Variants in HERC1 observed in about 807,000 individuals in gnomAD.
HERC1 encodes probable E3 ubiquitin-protein ligase HERC1.
A neutral mutation model predicts 554.3 loss-of-function variants in HERC1; 160 were observed. That is an observed-to-expected ratio of 0.29 (90% confidence interval 0.25 to 0.33). HERC1 has a LOEUF of 0.33. Among genes scored for constraint, HERC1 ranks in the 10% least tolerant of loss-of-function variants. The probability of loss-of-function intolerance (pLI) is 1.00; values close to 1 mark genes in which losing one functional copy is unlikely to be tolerated. For synonymous variants in HERC1, 2,175 were observed against 2,131.7 expected (o/e 1.02, Z -0.56); for missense variants, 4,919 against 5,918.5 (o/e 0.83, Z 5.54).
At chr15:63,660,499 T>G (rs1468847003) in intron 46 of HERC1, among the ~76,000 whole-genome samples, 1 of 152,156 alleles carries the variant, frequency 6.6e-6, no homozygotes, top group African/African-American at 2.4e-5. Context: ...TTAAATAAGT[T>G]GACAGCAATA....
chr15:63,792,458 C>T (rs4984317), intron 1 of HERC1, among the ~76,000 whole-genome samples: 123,566 of 152,210 alleles, frequency 0.81, 52,019 homozygotes, highest in Non-Finnish European at 0.87. Context: ...TTTCCAGATA[C>T]AACCCTATCA....
At chr15:63,774,305 C>A (rs1312233663) in intron 2 of HERC1, among the ~76,000 whole-genome samples, 1 of 152,124 alleles carries the variant, frequency 6.6e-6, no homozygotes, top group South Asian at 2.1e-4. Flanking sequence ...TAGAATAGTA[C>A]TTGGCATATA....
At chr15:63,743,263 C>CTTTTTTTTTTTTTTTTT (rs71131177) in intron 12 of HERC1, among the ~76,000 whole-genome samples, 9 of 109,176 alleles carry the variant, frequency 8.2e-5, no homozygotes, top group Non-Finnish European at 1.1e-4. Context: ...TTTTCTTTTT[C>CTTTTTTTTTTTTTTTTT]TTTTTTTTTT....
chr15:63,616,416 T>G lies in HERC1; in HGVS notation c.13941+14A>C. ...CGTCAACACCAGTAGAAACATAGAC[T>G]GGCCAGGATTTACCTCATGGAAACT... On this transcript the variant is annotated intron_variant, in intron 75 of 77. Transcript: ENST00000443617. 6.2e-7 allele frequency: 1 copy of G among 1,608,076 alleles called. No homozygotes were observed. The highest frequency in any genetic ancestry group is 1.1e-5 in the South Asian group (1 of 90,928).
At chr15:63,713,747 G>T in intron 22 of HERC1, 82 bp from the exon 23 acceptor site, 1 of 1,296,236 alleles carries the variant, frequency 7.7e-7, no homozygotes, top group Non-Finnish European at 1.0e-6. Flanking sequence ...TAGTCAAAAA[G>T]TTTGGACCAA....
chr15:63,764,277 C>T, intron 2 of HERC1, 86 bp from the exon 3 acceptor site: 3 of 859,052 alleles, frequency 3.5e-6, no homozygotes. Flanking sequence ...AAAAACAACA[C>T]CTATTTGAAG....
chr15:63,770,448 T>C (rs776608169), intron 2 of HERC1, among the ~76,000 whole-genome samples: 1 of 152,228 alleles, frequency 6.6e-6, no homozygotes, highest in African/African-American at 2.4e-5. Context: ...CCAAAGCTTA[T>C]TCATCTTTTT....
intron 1 of HERC1, among the ~76,000 whole-genome samples, chr15:63,807,855 A>C (rs2077181697): frequency 1.3e-5 from 2 of 151,448 alleles, no homozygotes; most frequent in African/African-American, 4.8e-5. Context: ...TATACTTCCT[A>C]CAGTTACTAA....
chr15:63,766,671 G>T (rs908968185), intron 2 of HERC1, among the ~76,000 whole-genome samples: 11 of 152,270 alleles, frequency 7.2e-5, no homozygotes, highest in East Asian at 3.9e-4. Context: ...AAGGTTAGGG[G>T]TTTTTTTGTT....
rs531482851 is a variant in HERC1, at chr15:63,725,369, G to A, written c.3491C>T (p.Pro1164Leu). 6.2e-7 allele frequency: 1 copy of A among 1,613,894 alleles called. No homozygotes were observed. The highest frequency in any genetic ancestry group is 1.3e-5 in the African/African-American group (1 of 75,004). The change falls in exon 18 of 78, where the codon CCA (proline) becomes CTA (leucine). Residue 1164 changes from proline (P) to leucine (L), a missense_variant. This residue lies in a region of HERC1 where 1,121 missense variants were observed against 1,244.0 expected (regional missense o/e 0.90). Coordinates refer to ENST00000443617, the MANE Select transcript of HERC1 (RefSeq NM_003922.4). Reference protein sequence around the residue: ...GGMLQGSPVSPEEQDTAYWMK... With the variant: ...GGMLQGSPVSLEEQDTAYWMK... ...CCAATATGCAGTGTCCTGTTCCTCTGGAGACACAGGGGAGCCCTGAAGCAT... is the reference window on the plus strand; with the variant it reads ...CCAATATGCAGTGTCCTGTTCCTCTAGAGACACAGGGGAGCCCTGAAGCAT...
At chr15:63,639,488 G>A (rs1459692640) in intron 61 of HERC1, among the ~76,000 whole-genome samples, 1 of 152,128 alleles carries the variant, frequency 6.6e-6, no homozygotes, top group Non-Finnish European at 1.5e-5. Flanking sequence ...GCCTAACAAT[G>A]CATTTCTCAG....
Position 63,718,325 on chromosome 15 carries a change from C to T in HERC1, c.3978+249G>A, listed in dbSNP as rs2073661243. ...GAATAATCATTCATATGATTTGAAT[C>T]ATTCAATTTGTTATTAATATTTATG... is the stretch of plus-strand genomic sequence containing the variant. On this transcript the variant is annotated intron_variant, in intron 21 of 77. Transcript: ENST00000443617. This position sits in a 1 kb window ranked among gnomAD's most constrained non-coding sequence, Gnocchi z 4.2. The T allele has an allele frequency of 2.7e-6, 1 of 375,344 alleles. No homozygotes were observed. The highest frequency in any genetic ancestry group is 4.8e-6 in the Non-Finnish European group (1 of 207,804). 23.3% of individuals were successfully genotyped at this position (375,344 alleles called of 1,614,324 possible).
chr15:63,725,584 T>C (rs2074007570), intron 17 of HERC1, 71 bp from the exon 18 acceptor site: 1 of 1,243,716 alleles, frequency 8.0e-7, no homozygotes, highest in Non-Finnish European at 1.2e-6. Flanking sequence ...TCTCATAGTC[T>C]CCTACCGTAC....
At chr15:63,798,867 GGTTGC>G (rs2076892359) in intron 1 of HERC1, among the ~76,000 whole-genome samples, 1 of 152,138 alleles carries the variant, frequency 6.6e-6, no homozygotes, top group Admixed American at 6.5e-5. Flanking sequence ...AGCATTTAGT[GGTTGC>G]ATACTATTTC....
Position 63,677,696 on chromosome 15 carries a change from T to C in HERC1, c.7070+149A>G, listed in dbSNP as rs1054066382. On this transcript the variant is annotated intron_variant, in intron 37 of 77. Transcript: ENST00000443617. The surrounding 1 kb of genome is among the most constrained non-coding windows in gnomAD (Gnocchi z 4.4). ...TTTAGGAAATTCTCCTTTAAGAAAT[T>C]ACAGTAGAAACATCTAGCTGCATGA... 2 of 1,332,642 alleles carry C rather than the reference T, an allele frequency of 1.5e-6. No homozygotes were observed. The highest frequency in any genetic ancestry group is 2.0e-6 in the Non-Finnish European group (2 of 993,688). The allele number at this position is 1,332,642 out of a possible 1,614,324, so 82.6% of individuals were successfully genotyped here. A position where few individuals can be genotyped will look rare whatever the true frequency, so the allele number is the denominator to read the frequency against.
Position 63,634,462 on chromosome 15 carries a change from T to C in HERC1, c.12570+271A>G, listed in dbSNP as rs565605249. Among the ~76,000 whole-genome samples the C allele has an allele frequency of 2.0e-5, 3 of 152,228 alleles. No individual in the cohort carries two copies. In the East Asian group the frequency reaches 5.8e-4, roughly 29 times the overall value. The stretch of plus-strand genomic sequence containing the variant: ...TATTTTTTAAGGGTTTAATAGCAAG[T>C]GGTATTAGTATGTTATGGAGGGGGC... On this transcript the variant is annotated intron_variant, in intron 66 of 77. Transcript: ENST00000443617.
Position 63,632,730 on chromosome 15 carries a change from G to T in HERC1, c.12775C>A (p.His4259Asn), listed in dbSNP as rs866222653. The change falls in exon 68 of 78, where the codon CAT (histidine) becomes AAT (asparagine). Residue 4259 changes from histidine (H) to asparagine (N), a missense_variant. This residue lies in a region of HERC1 where 410 missense variants were observed against 467.0 expected (regional missense o/e 0.88). Coordinates refer to ENST00000443617, the MANE Select transcript of HERC1 (RefSeq NM_003922.4). ...TTACCTTGACCAAAGGTATACACAT[G>T]ACCATCTTTGGTCAAAGCAACAGAA... The part of the protein sequence containing the change: ...QFSVALTKDG[H>N]VYTFGQDRLI... 1.3e-6 allele frequency: 2 copies of T among 1,561,296 alleles called. No individual in the cohort carries two copies. The highest frequency in any genetic ancestry group is 1.2e-5 in the South Asian group (1 of 84,748).
intron 1 of HERC1, among the ~76,000 whole-genome samples, chr15:63,786,664 G>A (rs1159050230): frequency 6.6e-6 from 1 of 152,204 alleles, no homozygotes; most frequent in Non-Finnish European, 1.5e-5. Context: ...GCTATATAAT[G>A]TATGATTCTA....
At chr15:63,789,078 GTTTTTTTTTTTTTTTTTT>G (rs71131178) in intron 1 of HERC1, among the ~76,000 whole-genome samples, 2 of 83,604 alleles carry the variant, frequency 2.4e-5, no homozygotes, top group Admixed American at 1.6e-4. Context: ...GGAATAAAAG[GTTTTTTTTTTTTTTTTTT>G]TTTTTTTTTT....
Sources: gnomAD v4.1 joint callset for allele counts (sites outside exome capture counted in the v4.1 genomes callset) on GRCh38, gnomAD v4.1.1 for gene constraint, gnomAD v4.1.1 regional missense constraint, Gnocchi (gnomAD v3.1) non-coding constraint, MANE v1.5 for transcripts, NCBI Gene and HGNC (gene_info 2026-07-23, HGNC 2026-07-21) for gene names.